The following DPF3 variants were observed in gnomAD, a reference collection of about 807,000 sequenced individuals.
DPF3 encodes the protein double PHD fingers 3.
In DPF3, 18 loss-of-function variants were observed where a neutral mutation model predicts 56.8. The ratio of observed to expected loss-of-function variants is 0.32; its 90% CI spans 0.22 to 0.47. The LOEUF (loss-of-function observed/expected upper bound fraction) is 0.47. Ranked by LOEUF, DPF3 falls within the 20% of genes least tolerant of loss-of-function variation. The pLI is 1.00. For missense variants in DPF3, 403 were observed against 488.8 expected (o/e 0.82, Z 1.65); for synonymous variants, 188 against 180.2 (o/e 1.04, Z -0.35).
chr14:72,687,679 C>A (rs1197683089), intron 7 of DPF3, among the ~76,000 whole-genome samples: 1 of 152,170 alleles, frequency 6.6e-6, no homozygotes, highest in Non-Finnish European at 1.5e-5. Flanking sequence ...CTGGGAAGCC[C>A]TCTCCCTCCT....
intron 1 of DPF3, among the ~76,000 whole-genome samples, chr14:72,865,668 G>A (rs1342779594): frequency 1.3e-5 from 2 of 152,312 alleles, no homozygotes; most frequent in East Asian, 1.9e-4. Flanking sequence ...ACCACAGGGG[G>A]GTAAGGAGCC....
intron 6 of DPF3, among the ~76,000 whole-genome samples, chr14:72,699,469 C>T (rs549311209): frequency 6.7e-6 from 1 of 149,286 alleles, no homozygotes; most frequent in South Asian, 2.1e-4. Flanking sequence ...GTGCAGTGAG[C>T]CATGATTGTG....
chr14:72,822,232 T>A (rs1035793475), intron 1 of DPF3, among the ~76,000 whole-genome samples: 2 of 151,876 alleles, frequency 1.3e-5, no homozygotes, highest in Admixed American at 6.6e-5. Context: ...TACAAAAAAA[T>A]TAGCTGGGCG....
chr14:72,704,833 TTC>T (rs1008189373), intron 6 of DPF3, among the ~76,000 whole-genome samples: 8 of 152,160 alleles, frequency 5.3e-5, no homozygotes, highest in Non-Finnish European at 1.0e-4. Context: ...TTCTGTGAAT[TTC>T]TCTTTCATTA....
At position 72,812,690 on chromosome 14, in the gene DPF3, C is replaced by T. The variant is rs185715648; in HGVS notation, c.33-40797G>A. 1.1e-3 allele frequency among the ~76,000 whole-genome samples: 175 copies of T among 152,198 alleles called. 1 individual carries two copies. The South Asian group carries it at 0.013, about 12-fold the overall frequency. ...TGTAGCTAGGCCTGGGGGGAGAGGG[C>T]GCTCTAGTATGCCACTTGTCATGTA... is the stretch of plus-strand genomic sequence containing the variant. On this transcript the variant is annotated intron_variant, in intron 1 of 10. Transcript: ENST00000556509.
intron 8 of DPF3, chr14:72,673,997 T>C: frequency 2.0e-6 from 1 of 499,622 alleles, no homozygotes; most frequent in East Asian, 3.5e-5. Context: ...ATGCACCTCA[T>C]GGAAAGGCCA....
At chr14:72,795,633 T>C (rs1892618491) in intron 1 of DPF3, among the ~76,000 whole-genome samples, 1 of 152,192 alleles carries the variant, frequency 6.6e-6, no homozygotes, top group Admixed American at 6.5e-5. Context: ...GTGAAGTACT[T>C]GGCTATCAGC....
At chr14:72,732,497 G>A (rs942131182) in intron 3 of DPF3, among the ~76,000 whole-genome samples, 4 of 152,210 alleles carry the variant, frequency 2.6e-5, no homozygotes, top group Admixed American at 6.5e-5. Flanking sequence ...TTCAGCCTCA[G>A]AAAGGTTGTT....
intron 1 of DPF3, among the ~76,000 whole-genome samples, chr14:72,874,947 T>G (rs35020117): frequency 0.37 from 56,089 of 151,612 alleles, 11,304 homozygotes; most frequent in East Asian, 0.5. Flanking sequence ...AGAAAAAGAG[T>G]TTTAATTGGA....
rs1314968317 is a variant in DPF3 at position 72,615,226 on chromosome 14, C to A, written c.*4071G>T. Among the ~76,000 whole-genome samples, 14 of 152,220 alleles carry A rather than the reference C, an allele frequency of 9.2e-5. No individual in the cohort carries two copies. The East Asian group carries it at 2.7e-3, about 29-fold the overall frequency. On this transcript the variant is annotated 3_prime_UTR_variant, in exon 11 of 11. Transcript: ENST00000556509. The stretch of plus-strand genomic sequence containing the variant: ...TGTGGTCCTCAGGGCCCGCCCTGGG[C>A]CACGGGCGGCGCAACACCCCCTACC...
At chr14:72,826,079 G>C (rs1394005892) in intron 1 of DPF3, among the ~76,000 whole-genome samples, 1 of 152,154 alleles carries the variant, frequency 6.6e-6, no homozygotes, top group Non-Finnish European at 1.5e-5. Context: ...AAAATTGTAG[G>C]ATTCTAACCT....
In DPF3 at chr14:72,799,247, C is replaced by A. The variant is rs76510804; in HGVS notation, c.33-27354G>T. ...TCTGCCTGCCCAGATACCATTCTAC[C>A]TCCTTCTAGTAACAATACCTCCATT... On this transcript the variant is annotated intron_variant, in intron 1 of 10. Transcript: ENST00000556509. 9.6e-3 allele frequency among the ~76,000 whole-genome samples: 1,466 copies of A among 152,260 alleles called. 28 individuals carry two copies. The highest frequency in any genetic ancestry group is 0.034 in the African/African-American group (1,393 of 41,550).
intron 8 of DPF3, among the ~76,000 whole-genome samples, chr14:72,659,037 C>T (rs1172296345): frequency 6.6e-6 from 1 of 152,112 alleles, no homozygotes; most frequent in Non-Finnish European, 1.5e-5. Context: ...CCTGGGCCCA[C>T]CTCCTGCAGG....
chr14:72,797,422 AG>A (rs1346678227), intron 1 of DPF3, among the ~76,000 whole-genome samples: 3 of 152,250 alleles, frequency 2.0e-5, no homozygotes, highest in African/African-American at 7.2e-5. Context: ...TAACAGAGGC[AG>A]GAGTCAATGT....
At chr14:72,836,257 G>C (rs1884289768) in intron 1 of DPF3, 18 of 985,612 alleles carry the variant, frequency 1.8e-5, no homozygotes, top group Non-Finnish European at 2.0e-5. Flanking sequence ...CCAGTGATAT[G>C]CTTCCCTCAC....
chr14:72,828,094 T>A (rs1398871609), intron 1 of DPF3, among the ~76,000 whole-genome samples: 1 of 152,240 alleles, frequency 6.6e-6, no homozygotes, highest in Non-Finnish European at 1.5e-5. Flanking sequence ...TATTATCTCA[T>A]GTTCATGCTA....
At chr14:72,662,784 C>T (rs1206617455) in intron 8 of DPF3, 3 of 988,080 alleles carry the variant, frequency 3.0e-6, no homozygotes, top group Non-Finnish European at 3.6e-6. Flanking sequence ...TCACCTTCTT[C>T]GGAAATGGCT....
intron 7 of DPF3, among the ~76,000 whole-genome samples, chr14:72,684,015 T>C (rs1245589611): frequency 6.6e-6 from 1 of 152,174 alleles, no homozygotes; most frequent in Non-Finnish European, 1.5e-5. Flanking sequence ...GTTGAGAGCA[T>C]GAGAGTGACA....
At chr14:72,848,484 G>T (rs1249511815) in intron 1 of DPF3, among the ~76,000 whole-genome samples, 1 of 152,084 alleles carries the variant, frequency 6.6e-6, no homozygotes. Context: ...CATTCTATTT[G>T]GGGACCTCTT....
Sources: gnomAD v4.1 joint callset for allele counts (sites outside exome capture counted in the v4.1 genomes callset) on GRCh38, gnomAD v4.1.1 for gene constraint, MANE v1.5 for transcripts, NCBI Gene and HGNC (gene_info 2026-07-23, HGNC 2026-07-21) for gene names.